The following NELL2 variants were observed in gnomAD, a reference collection of about 807,000 sequenced individuals.
NELL2 encodes protein kinase C-binding protein NELL2.
A neutral mutation model predicts 109.6 loss-of-function variants in NELL2; 41 were observed. The observed-to-expected ratio is 0.37, with a 90% CI of 0.29 to 0.49. NELL2 has a LOEUF of 0.49. Among genes scored for constraint, NELL2 ranks in the 20% least tolerant of loss-of-function variants. The pLI, the probability that NELL2 is intolerant of heterozygous loss-of-function variation, is 0.98. For synonymous variants in NELL2, 355 were observed against 344.7 expected, an observed-to-expected ratio of 1.03 and a Z score of -0.33; for missense variants, 900 against 1,008.3, an observed-to-expected ratio of 0.89 and a Z score of 1.45.
intron 13 of NELL2, among the ~76,000 whole-genome samples, chr12:44,649,702 C>A (rs1334533482): frequency 6.6e-6 from 1 of 152,206 alleles, no homozygotes; most frequent in Non-Finnish European, 1.5e-5. Context: ...CAGGAAATCT[C>A]TTTAAGCTTA....
intron 13 of NELL2, among the ~76,000 whole-genome samples, chr12:44,643,946 A>G (rs180961229): frequency 3.1e-4 from 47 of 152,324 alleles, no homozygotes; most frequent in African/African-American, 1.1e-3. Flanking sequence ...TACTTGGAAC[A>G]ATAACAATGA....
At chr12:44,784,654 C>T (rs772378267) in intron 3 of NELL2, among the ~76,000 whole-genome samples, 11 of 152,146 alleles carry the variant, frequency 7.2e-5, no homozygotes, top group Admixed American at 5.2e-4. Context: ...AAACCAAATC[C>T]AGCAGCACAT....
chr12:44,713,796 T>C (rs763062927), intron 10 of NELL2, among the ~76,000 whole-genome samples: 17 of 152,046 alleles, frequency 1.1e-4, no homozygotes, highest in Middle Eastern at 6.8e-3. Context: ...CTTAGGATTT[T>C]CCTTTCCCTC....
At chr12:44,713,934 A>G (rs996104343) in intron 10 of NELL2, among the ~76,000 whole-genome samples, 1 of 151,972 alleles carries the variant, frequency 6.6e-6, no homozygotes. Flanking sequence ...AGGAAAATTA[A>G]CTATCAAATA....
At chr12:44,875,425 G>C in intron 1 of NELL2, 72 bp from the exon 2 acceptor site, 2 of 1,613,858 alleles carry the variant, frequency 1.2e-6, no homozygotes, top group Non-Finnish European at 1.7e-6. Context: ...TTCCTCCAGG[G>C]CAGCAAAGAA....
chr12:44,851,633 G>C lies in NELL2; in HGVS notation c.184+23592C>G, dbSNP rs181088402. The stretch of plus-strand genomic sequence containing the variant: ...AATTAAACTACAGCTCTAAACATAA[G>C]AGTGCTTTCAAAACCAAAATGCAAA... On this transcript the variant is annotated intron_variant, in intron 2 of 19. Transcript: ENST00000429094. 29 of 152,200 alleles carry C rather than the reference G, an allele frequency of 1.9e-4. 1 individual carries two copies. The highest frequency in any genetic ancestry group is 9.8e-4 in the Admixed American group (15 of 15,282). The allele number at this position is 152,200 out of a possible 1,614,324, so 9.4% of individuals were successfully genotyped here. A position where few individuals can be genotyped will look rare whatever the true frequency, so the allele number is the denominator to read the frequency against.
chr12:44,677,440 C>G (rs964149348), intron 12 of NELL2, among the ~76,000 whole-genome samples: 9 of 152,082 alleles, frequency 5.9e-5, no homozygotes, highest in African/African-American at 1.9e-4. Flanking sequence ...CTGAGACAAC[C>G]ACTGGTATCA....
intron 1 of NELL2, 114 bp from the exon 2 acceptor site, chr12:44,875,467 G>T (rs1202652236): frequency 3.7e-6 from 6 of 1,613,824 alleles, no homozygotes; most frequent in Non-Finnish European, 5.1e-6. Context: ...GGGAACTGAA[G>T]ATGAGAGGCG....
chr12:44,761,077 C>T (rs546325163), intron 9 of NELL2, among the ~76,000 whole-genome samples: 6 of 152,170 alleles, frequency 3.9e-5, no homozygotes, highest in South Asian at 2.1e-4. Flanking sequence ...AAAACAAATA[C>T]ACAGCCTGGT....
chr12:44,654,503 C>T (rs1193736157), intron 13 of NELL2, among the ~76,000 whole-genome samples: 1 of 152,186 alleles, frequency 6.6e-6, no homozygotes, highest in African/African-American at 2.4e-5. Context: ...TTAGTGTGGG[C>T]TGGACCTAGT....
chr12:44,679,143 C>T (rs535049777), intron 12 of NELL2, among the ~76,000 whole-genome samples: 17 of 152,162 alleles, frequency 1.1e-4, no homozygotes, highest in Middle Eastern at 3.4e-3. Context: ...TTAGTATTCA[C>T]ACGTACCTAT....
chr12:44,851,825 C>T (rs1944543164), intron 2 of NELL2: 1 of 152,128 alleles, frequency 6.6e-6, no homozygotes, highest in African/African-American at 2.4e-5. Flanking sequence ...GCCAGCAGTG[C>T]CCAGGTCTTT....
At chr12:44,910,356 G>C (rs1945766322) in intron 1 of NELL2, among the ~76,000 whole-genome samples, 1 of 151,740 alleles carries the variant, frequency 6.6e-6, no homozygotes, top group South Asian at 2.1e-4. Flanking sequence ...CAACAAACAT[G>C]AAAAATGTTT....
At chr12:44,888,381 G>GTTTTTT (rs61158046) in intron 1 of NELL2, among the ~76,000 whole-genome samples, 6 of 136,530 alleles carry the variant, frequency 4.4e-5, no homozygotes, top group African/African-American at 1.6e-4. Context: ...TGAACAGTTG[G>GTTTTTT]TTTTTTTTTT....
At chr12:44,827,058 G>T (rs1393270066) in intron 2 of NELL2, among the ~76,000 whole-genome samples, 1 of 151,942 alleles carries the variant, frequency 6.6e-6, no homozygotes, top group African/African-American at 2.4e-5. Context: ...AAAACAGAAG[G>T]CTTTTTTAAA....
intron 13 of NELL2, among the ~76,000 whole-genome samples, chr12:44,657,657 G>A (rs1474940307): frequency 6.6e-6 from 1 of 152,082 alleles, no homozygotes; most frequent in African/African-American, 2.4e-5. Flanking sequence ...AGGCCCTGGT[G>A]TGTGATGTTC....
chr12:44,768,251 G>T (rs935673756), intron 9 of NELL2, among the ~76,000 whole-genome samples: 2 of 151,860 alleles, frequency 1.3e-5, no homozygotes, highest in Non-Finnish European at 2.9e-5. Context: ...TTTTTCCACT[G>T]ATTGGACATC....
chr12:44,885,072 A>G (rs935418233), intron 1 of NELL2, among the ~76,000 whole-genome samples: 1 of 151,968 alleles, frequency 6.6e-6, no homozygotes, highest in African/African-American at 2.4e-5. Context: ...TGAGGTCAGG[A>G]GTTCAAGACT....
intron 9 of NELL2, among the ~76,000 whole-genome samples, chr12:44,734,778 GTAAGAT>G (rs1475674505): frequency 6.6e-6 from 1 of 151,918 alleles, no homozygotes; most frequent in African/African-American, 2.4e-5. Flanking sequence ...TCTAAATTCT[GTAAGAT>G]TATGAGGATA....
Sources: gnomAD v4.1 joint callset for allele counts (sites outside exome capture counted in the v4.1 genomes callset) on GRCh38, gnomAD v4.1.1 for gene constraint, MANE v1.5 for transcripts, NCBI Gene and HGNC (gene_info 2026-07-23, HGNC 2026-07-21) for gene names.